Variants in CRTC3 observed in about 807,000 individuals in gnomAD.
CRTC3 encodes CREB regulated transcription coactivator 3.
Under a neutral mutation model 74.5 loss-of-function variants are expected in CRTC3, and 26 were observed. The ratio of observed to expected loss-of-function variants is 0.35; its 90% confidence interval spans 0.26 to 0.48. The LOEUF is 0.48. Among genes scored for constraint, CRTC3 ranks in the 20% least tolerant of loss-of-function variants. The pLI is 0.99. For synonymous variants in CRTC3, 377 were observed against 325.8 expected, an observed-to-expected ratio of 1.16 and a Z score of -1.69; for missense variants, 760 against 787.3, an observed-to-expected ratio of 0.97 and a Z score of 0.41.
intron 2 of CRTC3, among the ~76,000 whole-genome samples, chr15:90,542,193 T>C (rs1966813906): frequency 6.6e-6 from 1 of 151,996 alleles, no homozygotes; most frequent in Non-Finnish European, 1.5e-5. Context: ...TTTTTTTTTT[T>C]TTTGAGACCG....
chr15:90,631,575 A>AAAATT (rs1156598929), intron 11 of CRTC3, among the ~76,000 whole-genome samples: 1 of 151,932 alleles, frequency 6.6e-6, no homozygotes, highest in Non-Finnish European at 1.5e-5. Context: ...TAAAAATACA[A>AAAATT]AAATTAACCG....
intron 9 of CRTC3, among the ~76,000 whole-genome samples, chr15:90,621,551 G>A (rs528420649): frequency 3.5e-4 from 53 of 152,264 alleles, no homozygotes; most frequent in Non-Finnish European, 5.7e-4. Flanking sequence ...TTGAACTCCT[G>A]ACCTCAGGTG....
In CRTC3 at chr15:90,603,251, C is replaced by A. The variant is rs11073938; in HGVS notation, c.413+866C>A. ...AAGCTCAGGAGATCGAGACCATCCT[C>A]GCTAACACGGTGAAACCCCGTCTCC... is the stretch of plus-strand genomic sequence containing the variant. On this transcript the variant is annotated intron_variant, in intron 4 of 14. Coordinates refer to ENST00000268184, the MANE Select transcript of CRTC3 (RefSeq NM_022769.5). Among the ~76,000 whole-genome samples the A allele has an allele frequency of 1.2e-3, 173 of 148,698 alleles. 2 individuals carry two copies. Among genetic ancestry groups the A allele is most frequent in the Non-Finnish European group, 2.0e-3 (131 of 67,064 alleles).
chr15:90,573,982 C>G (rs547344822), intron 2 of CRTC3, among the ~76,000 whole-genome samples: 1 of 152,196 alleles, frequency 6.6e-6, no homozygotes. Context: ...ATACACATGT[C>G]TGTACCTTGC....
chr15:90,632,091 T>G (rs998427562), intron 11 of CRTC3, among the ~76,000 whole-genome samples: 1 of 144,718 alleles, frequency 6.9e-6, no homozygotes, highest in Non-Finnish European at 1.5e-5. Flanking sequence ...TTTTTTTTTG[T>G]AGAGATGGGG....
At chr15:90,624,178 A>G (rs1322681024) in intron 9 of CRTC3, among the ~76,000 whole-genome samples, 2 of 152,062 alleles carry the variant, frequency 1.3e-5, no homozygotes, top group Non-Finnish European at 2.9e-5. Flanking sequence ...AAGTGTCCTC[A>G]GGATTCGTGA....
At chr15:90,559,841 C>T (rs1028990230) in intron 2 of CRTC3, among the ~76,000 whole-genome samples, 1 of 152,190 alleles carries the variant, frequency 6.6e-6, no homozygotes, top group Non-Finnish European at 1.5e-5. Context: ...TGGGGTTTTG[C>T]CTTGATGGCC....
chr15:90,633,386 G>A (rs1370540545), intron 11 of CRTC3, among the ~76,000 whole-genome samples: 4 of 152,096 alleles, frequency 2.6e-5, no homozygotes, highest in Non-Finnish European at 4.4e-5. Flanking sequence ...TATTTGATCT[G>A]CCATTTAATT....
chr15:90,632,274 TTTTAA>T lies in CRTC3; in HGVS notation c.1266+2746_1266+2750del, dbSNP rs1459199312. The stretch of plus-strand genomic sequence containing the variant: ...CCAGAGTGTCCCCTTTCAGATGTGT[TTTTAA>T]TTTGTTTAATATTTAGATTTTTTTT... On this transcript the variant is annotated intron_variant, in intron 11 of 14. Coordinates refer to ENST00000268184, the MANE Select transcript of CRTC3 (RefSeq NM_022769.5). Among the ~76,000 whole-genome samples, 30 of 152,228 alleles carry T rather than the reference TTTTAA, an allele frequency of 2.0e-4. 1 individual carries two copies. The highest frequency in any genetic ancestry group is 1.3e-3 in the East Asian group (7 of 5,186).
chr15:90,557,357 G>T (rs1966915743), intron 2 of CRTC3, among the ~76,000 whole-genome samples: 1 of 152,102 alleles, frequency 6.6e-6, no homozygotes, highest in African/African-American at 2.4e-5. Flanking sequence ...GCCCTTTGCT[G>T]ACAGGGAGGT....
rs1039840186 is a variant in CRTC3, at chr15:90,634,635, C to G, written c.1267-3811C>G. The G allele has an allele frequency of 1.5e-5, 8 of 526,396 alleles. No homozygotes were observed. In the Admixed American group the frequency reaches 2.6e-4, roughly 17 times the overall value. 32.6% of individuals were successfully genotyped at this position (526,396 alleles called of 1,614,324 possible). Reference sequence around the variant, plus strand: ...CCTCAGGGCCTGGTGATCCTCAGTGCTCTGCTCATGTTTAAGAACAGGACA... The same window carrying G: ...CCTCAGGGCCTGGTGATCCTCAGTGGTCTGCTCATGTTTAAGAACAGGACA... On this transcript the variant is annotated intron_variant, in intron 11 of 14. Transcript: ENST00000268184.
In CRTC3 at chr15:90,533,084, C is replaced by CA. The variant is rs766911510; in HGVS notation, c.132+2918dup. 2.4e-3 allele frequency among the ~76,000 whole-genome samples: 46 copies of CA among 18,874 alleles called. 11 individuals are homozygous for CA. The highest frequency in any genetic ancestry group is 4.7e-3 in the East Asian group (2 of 426). 12.4% of individuals were successfully genotyped at this position (18,874 alleles called of 152,430 possible). On this transcript the variant is annotated intron_variant, in intron 1 of 14. Coordinates refer to ENST00000268184, the MANE Select transcript of CRTC3 (RefSeq NM_022769.5). ...TGGGCGACAGAGCAAGACTTCATCT[C>CA]AAAAAAAAAAAAAAAAAAAAAAAAA...
At chr15:90,631,993 C>CT (rs1294201162) in intron 11 of CRTC3, among the ~76,000 whole-genome samples, 1 of 151,862 alleles carries the variant, frequency 6.6e-6, no homozygotes, top group East Asian at 1.9e-4. Flanking sequence ...CTTGAACTCC[C>CT]TGAGCTCAGG....
At chr15:90,612,030 C>CTCT (rs1968369354) in intron 6 of CRTC3, among the ~76,000 whole-genome samples, 3 of 126,782 alleles carry the variant, frequency 2.4e-5, no homozygotes, top group African/African-American at 6.1e-5. Flanking sequence ...CCCCCCACTC[C>CTCT]TCCTCCTCCT....
intron 3 of CRTC3, 89 bp from the exon 4 acceptor site, chr15:90,602,235 C>T (rs1170958557): frequency 1.3e-6 from 1 of 780,872 alleles, no homozygotes; most frequent in African/African-American, 1.8e-5. Context: ...GAACCAAAAA[C>T]TCAGTTGTTT....
intron 6 of CRTC3, among the ~76,000 whole-genome samples, chr15:90,611,095 A>T (rs547651795): frequency 6.6e-6 from 1 of 152,312 alleles, no homozygotes; most frequent in Non-Finnish European, 1.5e-5. Flanking sequence ...GCGGGGGTAC[A>T]GTGGCAGGTA....
chr15:90,612,625 T>TA (rs1192504126), intron 6 of CRTC3, among the ~76,000 whole-genome samples: 9 of 152,032 alleles, frequency 5.9e-5, no homozygotes, highest in Admixed American at 5.9e-4. Context: ...GATTGCTATA[T>TA]AAAACCTAGT....
chr15:90,541,729 C>A (rs1195990207), intron 2 of CRTC3, among the ~76,000 whole-genome samples: 3 of 151,666 alleles, frequency 2.0e-5, no homozygotes, highest in African/African-American at 7.3e-5. Context: ...ATGTTCCCCT[C>A]CGGTTGCATT....
At chr15:90,564,388 G>C (rs903525329) in intron 2 of CRTC3, among the ~76,000 whole-genome samples, 5 of 151,974 alleles carry the variant, frequency 3.3e-5, no homozygotes, top group Non-Finnish European at 7.4e-5. Context: ...CTGCTCCTTT[G>C]CCTTCACACA....
Sources: allele counts gnomAD v4.1 joint callset (sites outside exome capture counted in the v4.1 genomes callset), GRCh38; gene constraint gnomAD v4.1.1; transcripts MANE v1.5; gene names NCBI Gene and HGNC (gene_info 2026-07-23, HGNC 2026-07-21).